Variants in POLQ observed in about 807,000 individuals in gnomAD.
The protein encoded by POLQ is epididymis secretory sperm binding protein.
A neutral mutation model predicts 259.2 loss-of-function variants in POLQ; 233 were observed. The observed-to-expected ratio is 0.90, with a 90% CI of 0.81 to 1.00. The LOEUF is 1.00. POLQ is among the 50% of genes least tolerant of loss of function. POLQ has a pLI of 0.00. For synonymous variants in POLQ, 1,025 were observed against 1,048.8 expected, an observed-to-expected ratio of 0.98 and a Z score of 0.44; for missense variants, 2,871 against 3,051.6, an observed-to-expected ratio of 0.94 and a Z score of 1.39.
chr3:121,457,395 A>C (rs1010579949), intron 25 of POLQ, among the ~76,000 whole-genome samples: 1 of 152,226 alleles, frequency 6.6e-6, no homozygotes, highest in African/African-American at 2.4e-5. Context: ...GGATCTAATT[A>C]AACTAACGAG....
rs1399477628 is a variant in POLQ at position 121,432,207 on chromosome 3, G to A, written c.*97C>T. 1 of 1,127,742 alleles carries A rather than the reference G, an allele frequency of 8.9e-7. No individual in the cohort carries two copies. The highest frequency in any genetic ancestry group is 2.8e-5 in the East Asian group (1 of 35,932). The allele number at this position is 1,127,742 out of a possible 1,614,324, so 69.9% of individuals were successfully genotyped here. On this transcript the variant is annotated 3_prime_UTR_variant, in exon 30 of 30. Coordinates refer to ENST00000264233, the MANE Select transcript of POLQ (RefSeq NM_199420.4). ...AGGCTAAGTCTATCAAGACTTGAAA[G>A]TTTGTTTTGCTGAGGTAGGTGAAAG...
Position 121,445,794 on chromosome 3 carries a change from C to T in POLQ, c.7264+3521G>A, listed in dbSNP as rs150500203. Among the ~76,000 whole-genome samples the T allele has an allele frequency of 3.1e-3, 470 of 151,710 alleles. 8 individuals are homozygous for T. The highest frequency in any genetic ancestry group is 0.011 in the African/African-American group (448 of 41,328). ...AGGAAAATTGCTTGAACCCAGGAGG[C>T]AGATGTTGCAGTGAGCCAAGATCAC... On this transcript the variant is annotated intron_variant, in intron 26 of 29. Transcript: ENST00000264233.
chr3:121,435,696 A>C (rs1190994620), intron 28 of POLQ, among the ~76,000 whole-genome samples: 1 of 152,252 alleles, frequency 6.6e-6, no homozygotes, highest in Non-Finnish European at 1.5e-5. Flanking sequence ...AGGACATGTG[A>C]TATTACAACA....
intron 2 of POLQ, among the ~76,000 whole-genome samples, chr3:121,541,836 A>C (rs2048491938): frequency 6.6e-6 from 1 of 152,184 alleles, no homozygotes; most frequent in Non-Finnish European, 1.5e-5. Context: ...TCGAAGTTGA[A>C]GAAAAGGGCT....
At position 121,487,554 on chromosome 3, in the gene POLQ, AC is replaced by A; in HGVS notation, c.5376del (p.Phe1793SerfsTer23). ...NHDLSPGSRN[G>X]FKDNSPISDT... The stretch of plus-strand genomic sequence containing the variant: ...TCACTAATAGGGCTGTTGTCTTTGA[AC>A]CCATTTCTACTCCCTGGACTTAAAT... On this transcript the variant is annotated frameshift_variant, in exon 16 of 30. Transcript: ENST00000264233. LOFTEE classifies it high-confidence loss of function. 1 of 1,614,030 alleles carries A rather than the reference AC, an allele frequency of 6.2e-7. No individual in the cohort carries two copies. Among genetic ancestry groups the A allele is most frequent in the Non-Finnish European group, 8.5e-7 (1 of 1,179,962 alleles).
intron 20 of POLQ, 65 bp downstream of exon 20, chr3:121,476,475 C>T: frequency 8.3e-7 from 1 of 1,204,220 alleles, no homozygotes; most frequent in Non-Finnish European, 1.2e-6. Context: ...CACACACACA[C>T]ACACACACAC....
chr3:121,447,591 T>A (rs759022872), intron 26 of POLQ, among the ~76,000 whole-genome samples: 1 of 152,222 alleles, frequency 6.6e-6, no homozygotes, highest in Non-Finnish European at 1.5e-5. Flanking sequence ...TATATCACAA[T>A]TGCAATGTTA....
At chr3:121,432,480 CCT>C in intron 29 of POLQ, 63 bp from the exon 30 acceptor site, 3 of 1,551,366 alleles carry the variant, frequency 1.9e-6, no homozygotes, top group Non-Finnish European at 2.6e-6. Flanking sequence ...CAAACCATCC[CCT>C]GAGAAAGTTA....
rs1332240246 is a variant in POLQ at position 121,472,062 on chromosome 3, G to A, written c.6646C>T (p.Arg2216Trp). The A allele has an allele frequency of 8.8e-6, 14 of 1,583,742 alleles. No homozygotes were observed. Among genetic ancestry groups the A allele is most frequent in the Middle Eastern group, 1.7e-4 (1 of 5,962 alleles). Residue 2216 changes from arginine (R) to tryptophan (W), a missense_variant, in exon 22 of 30, where the codon CGG becomes TGG. This residue lies in a region of POLQ where 2,080 missense variants were observed against 2,126.0 expected (regional missense o/e 0.98). Coordinates refer to ENST00000264233, the MANE Select transcript of POLQ (RefSeq NM_199420.4). ...AGAAAAGGATTAAGACACTTTTCCCGCTGAAGGGGAAAGACCACTTTGGTA... is the reference window on the plus strand; with the variant it reads ...AGAAAAGGATTAAGACACTTTTCCCACTGAAGGGGAAAGACCACTTTGGTA... ...AITKVVFPLQ[R>W]EKCLNPFLGM...
chr3:121,517,287 A>G (rs1278944816), intron 9 of POLQ, among the ~76,000 whole-genome samples: 1 of 152,190 alleles, frequency 6.6e-6, no homozygotes, highest in Non-Finnish European at 1.5e-5. Flanking sequence ...TGCAATCTGC[A>G]TATTCTGTAG....
chr3:121,478,262 G>A (rs561715834), intron 19 of POLQ, among the ~76,000 whole-genome samples: 3 of 152,198 alleles, frequency 2.0e-5, no homozygotes, highest in Non-Finnish European at 4.4e-5. Context: ...ACCTTTCTAA[G>A]GGAAGATTTC....
chr3:121,527,083 T>G (rs1457573099), intron 7 of POLQ, among the ~76,000 whole-genome samples: 1 of 151,904 alleles, frequency 6.6e-6, no homozygotes, highest in Admixed American at 6.6e-5. Flanking sequence ...TTTTTTGAGA[T>G]GGAGTCTCGC....
rs1560111547 is a variant in POLQ at position 121,544,920 on chromosome 3, G to T, written c.164-14C>A. 1 of 1,535,238 alleles carries T rather than the reference G, an allele frequency of 6.5e-7. No individual in the cohort carries two copies. Among genetic ancestry groups the T allele is most frequent in the East Asian group, 2.3e-5 (1 of 44,210 alleles). On this transcript the variant is annotated splice_polypyrimidine_tract_variant and intron_variant, in intron 1 of 29. Transcript: ENST00000264233. Reference sequence around the variant, plus strand: ...GCTTGCATTCTCCTTTTAGGAAAAAGAAAAAATTAAAATTTAATTTACTTC... The same window carrying T: ...GCTTGCATTCTCCTTTTAGGAAAAATAAAAAATTAAAATTTAATTTACTTC...
intron 8 of POLQ, among the ~76,000 whole-genome samples, 175 bp from the exon 9 acceptor site, chr3:121,520,258 G>A (rs1451488804): frequency 1.3e-5 from 2 of 152,032 alleles, no homozygotes; most frequent in Non-Finnish European, 2.9e-5. Flanking sequence ...TAATCTGGCC[G>A]GGCGCGGTGG....
At chr3:121,454,258 G>A (rs1163911626) in intron 25 of POLQ, among the ~76,000 whole-genome samples, 1 of 152,186 alleles carries the variant, frequency 6.6e-6, no homozygotes, top group Non-Finnish European at 1.5e-5. Context: ...GGAACAACCG[G>A]TATCAGCCAC....
At position 121,467,591 on chromosome 3, in the gene POLQ, TC is replaced by T; in HGVS notation, c.6894del (p.Met2299TrpfsTer38). 6.2e-7 allele frequency: 1 copy of T among 1,613,940 alleles called. No individual in the cohort carries two copies. Among genetic ancestry groups the T allele is most frequent in the Non-Finnish European group, 8.5e-7 (1 of 1,179,800 alleles). The stretch of plus-strand genomic sequence containing the variant: ...CCTCTGTCTGCAGCTCTCTCCTCCA[TC>T]TGTGCCTGGCATCTAGGATTCACGC... Reference protein sequence around the residue: ...GFSVNPRCQAQMEERAADRGM... With the variant: ...GFSVNPRCQAXMEERAADRGM... On this transcript the variant is annotated frameshift_variant, in exon 24 of 30. Coordinates refer to ENST00000264233, the MANE Select transcript of POLQ (RefSeq NM_199420.4). LOFTEE classifies it high-confidence loss of function.
At chr3:121,450,709 G>A (rs987154598) in intron 25 of POLQ, among the ~76,000 whole-genome samples, 1 of 152,048 alleles carries the variant, frequency 6.6e-6, no homozygotes, top group Non-Finnish European at 1.5e-5. Flanking sequence ...TTTCTCTCTG[G>A]CTGCCCTTAA....
chr3:121,433,232 A>G (rs1576395217), intron 28 of POLQ, among the ~76,000 whole-genome samples, 199 bp from the exon 29 acceptor site: 1 of 152,318 alleles, frequency 6.6e-6, no homozygotes, highest in East Asian at 1.9e-4. Flanking sequence ...TTCCTCCTAG[A>G]AAGAAGGAGT....
chr3:121,520,047 G>A lies in POLQ; in HGVS notation c.1292C>T (p.Ala431Val), dbSNP rs537281660. 1.9e-6 allele frequency: 3 copies of A among 1,613,110 alleles called. No individual in the cohort carries two copies. Among genetic ancestry groups the A allele is most frequent in the East Asian group, 4.5e-5 (2 of 44,882 alleles). Reference protein sequence around the residue: ...TFEERDIIEGAFRQGLIRVLA... With the variant: ...TFEERDIIEGVFRQGLIRVLA... ...GACCCGAATGAGACCTTGACGAAAG[G>A]CTCCTTCAATGATATCCCTCTCCTC... The change falls in exon 9 of 30, where the codon GCC becomes GTC. Residue 431 changes from alanine to valine, a missense_variant. Transcript: ENST00000264233.
Sources: gnomAD v4.1 joint callset for allele counts (sites outside exome capture counted in the v4.1 genomes callset) on GRCh38, gnomAD v4.1.1 for gene constraint, gnomAD v4.1.1 regional missense constraint, MANE v1.5 for transcripts, NCBI Gene and HGNC (gene_info 2026-07-23, HGNC 2026-07-21) for gene names.